The following TOX variants were observed in gnomAD, a reference collection of about 807,000 sequenced individuals.
The protein encoded by TOX is thymocyte selection associated high mobility group box.
In TOX, 11 loss-of-function variants were observed where a neutral mutation model predicts 53.7. The ratio of observed to expected loss-of-function variants is 0.20; its 90% CI spans 0.13 to 0.34. The LOEUF is 0.34. TOX is among the 10% of genes least tolerant of loss of function. TOX has a pLI of 1.00. For synonymous variants in TOX, 225 were observed against 245.3 expected, an observed-to-expected ratio of 0.92 and a Z score of 0.77; for missense variants, 570 against 664.6, an observed-to-expected ratio of 0.86 and a Z score of 1.56.
chr8:58,952,530 T>C (rs1812637701), intron 2 of TOX, among the ~76,000 whole-genome samples: 1 of 152,184 alleles, frequency 6.6e-6, no homozygotes, highest in Non-Finnish European at 1.5e-5. Flanking sequence ...ATGGCTGCTT[T>C]CAAAATTTAT....
At chr8:58,904,323 A>G (rs947333516) in intron 3 of TOX, among the ~76,000 whole-genome samples, 1 of 151,262 alleles carries the variant, frequency 6.6e-6, no homozygotes, top group African/African-American at 2.4e-5. Context: ...TTGTTCGTTT[A>G]TGGCTTCTAT....
At chr8:58,972,689 T>A (rs1411482747) in intron 1 of TOX, among the ~76,000 whole-genome samples, 1 of 152,208 alleles carries the variant, frequency 6.6e-6, no homozygotes, top group Non-Finnish European at 1.5e-5. Flanking sequence ...AATCAATTAA[T>A]GCTCCATTTA....
intron 1 of TOX, among the ~76,000 whole-genome samples, chr8:58,962,113 TA>T: frequency 6.6e-6 from 1 of 152,378 alleles, no homozygotes; most frequent in South Asian, 2.1e-4. Flanking sequence ...ACTCATTTTC[TA>T]AATCTGGTGT....
chr8:58,911,991 C>T lies in TOX; in HGVS notation c.411+27311G>A, dbSNP rs193191337. 3.0e-3 allele frequency among the ~76,000 whole-genome samples: 462 copies of T among 152,314 alleles called. 5 individuals are homozygous for T. Among genetic ancestry groups the T allele is most frequent in the Non-Finnish European group, 2.9e-3 (197 of 68,034 alleles). On this transcript the variant is annotated intron_variant, in intron 3 of 8. Coordinates refer to ENST00000361421, the MANE Select transcript of TOX (RefSeq NM_014729.3). ...TGCTGGGATTACAGGCGTGAGCCAC[C>T]GTGCCCGGCCCAAATACTTTTCAAT...
intron 1 of TOX, among the ~76,000 whole-genome samples, chr8:59,103,092 A>G (rs1804833706): frequency 6.6e-6 from 1 of 152,290 alleles, no homozygotes; most frequent in Admixed American, 6.5e-5. Flanking sequence ...AGGATATTTG[A>G]CTTCCTCCCT....
chr8:58,994,424 G>A (rs202125509), intron 1 of TOX, among the ~76,000 whole-genome samples: 82 of 142,384 alleles, frequency 5.8e-4, no homozygotes, highest in Middle Eastern at 3.9e-3. Context: ...GTGTGTGCGC[G>A]CGCGCATGTG....
chr8:58,830,117 A>C (rs1032992746), intron 5 of TOX, among the ~76,000 whole-genome samples: 2 of 152,188 alleles, frequency 1.3e-5, no homozygotes, highest in Non-Finnish European at 2.9e-5. Context: ...TATTTAGTTG[A>C]GTTACAAAAT....
At chr8:58,886,336 T>G (rs1299062404) in intron 3 of TOX, among the ~76,000 whole-genome samples, 1 of 152,152 alleles carries the variant, frequency 6.6e-6, no homozygotes, top group East Asian at 1.9e-4. Context: ...AAACTGCAAC[T>G]AACTCTAATT....
At chr8:58,953,045 T>C (rs1812649949) in intron 2 of TOX, among the ~76,000 whole-genome samples, 1 of 152,136 alleles carries the variant, frequency 6.6e-6, no homozygotes, top group Non-Finnish European at 1.5e-5. Context: ...TATGGCCTAT[T>C]TACTTTTTTT....
intron 1 of TOX, among the ~76,000 whole-genome samples, chr8:59,105,093 T>A (rs1018850226): frequency 6.6e-6 from 1 of 152,214 alleles, no homozygotes; most frequent in African/African-American, 2.4e-5. Flanking sequence ...ACCCCAAAGC[T>A]TTTTAACAAG....
At chr8:59,091,428 C>T (rs938047490) in intron 1 of TOX, among the ~76,000 whole-genome samples, 1 of 152,072 alleles carries the variant, frequency 6.6e-6, no homozygotes, top group Admixed American at 6.6e-5. Context: ...TTTCAGGGGT[C>T]TCTTCCTCTA....
At chr8:58,824,027 T>C (rs1323447720) in intron 6 of TOX, among the ~76,000 whole-genome samples, 2 of 152,148 alleles carry the variant, frequency 1.3e-5, no homozygotes, top group Admixed American at 6.5e-5. Context: ...TGAACAAAAA[T>C]GACCTTATCA....
intron 1 of TOX, among the ~76,000 whole-genome samples, chr8:58,976,940 A>G (rs1165635096): frequency 6.6e-6 from 1 of 152,216 alleles, no homozygotes; most frequent in African/African-American, 2.4e-5. Flanking sequence ...GACTGAGCAC[A>G]GTTCTTAAAG....
At chr8:58,845,229 C>T (rs750149986) in intron 4 of TOX, among the ~76,000 whole-genome samples, 10 of 152,208 alleles carry the variant, frequency 6.6e-5, no homozygotes, top group Middle Eastern at 6.8e-3. Context: ...TTGCAGTAAT[C>T]GCTGTAGTTT....
At chr8:59,103,537 T>C (rs1352186078) in intron 1 of TOX, among the ~76,000 whole-genome samples, 1 of 152,192 alleles carries the variant, frequency 6.6e-6, no homozygotes, top group Non-Finnish European at 1.5e-5. Flanking sequence ...GATCCACATA[T>C]TGCTTAAAGA....
intron 1 of TOX, among the ~76,000 whole-genome samples, chr8:58,999,892 T>C (rs1057150554): frequency 5.9e-5 from 9 of 152,326 alleles, no homozygotes; most frequent in East Asian, 5.8e-4. Context: ...ATTTACATAG[T>C]AGACACAAGA....
intron 1 of TOX, among the ~76,000 whole-genome samples, chr8:58,972,700 A>G (rs1354721203): frequency 6.6e-6 from 1 of 152,206 alleles, no homozygotes; most frequent in Non-Finnish European, 1.5e-5. Context: ...GCTCCATTTA[A>G]TACTCACATC....
chr8:59,016,533 C>T (rs1814013022), intron 1 of TOX, among the ~76,000 whole-genome samples: 1 of 152,144 alleles, frequency 6.6e-6, no homozygotes, highest in African/African-American at 2.4e-5. Flanking sequence ...TCTATAAGCA[C>T]TTATGCTCAT....
intron 1 of TOX, among the ~76,000 whole-genome samples, chr8:58,998,077 T>A (rs533556040): frequency 2.6e-5 from 4 of 152,258 alleles, no homozygotes; most frequent in East Asian, 3.9e-4. Context: ...CCATTAATAA[T>A]TACATAAATG....
Sources: gnomAD v4.1 joint callset for allele counts (sites outside exome capture counted in the v4.1 genomes callset) on GRCh38, gnomAD v4.1.1 for gene constraint, MANE v1.5 for transcripts, NCBI Gene and HGNC (gene_info 2026-07-23, HGNC 2026-07-21) for gene names.